Variants in CDK15 observed in about 807,000 individuals in gnomAD.
The protein encoded by CDK15 is cyclin dependent kinase 15, also known as cyclin-dependent kinase 15.
Under a neutral mutation model 60.3 loss-of-function variants are expected in CDK15, and 62 were observed. That is an observed-to-expected ratio of 1.03 (90% CI 0.84 to 1.27). The LOEUF (loss-of-function observed/expected upper bound fraction) is 1.27. CDK15 is among the 50% of genes most tolerant of loss of function. The probability of loss-of-function intolerance (pLI) is 0.00; values close to 1 mark genes in which losing one functional copy is unlikely to be tolerated. For missense variants in CDK15, 541 were observed against 527.8 expected (o/e 1.03, Z -0.25); for synonymous variants, 194 against 195.7 (o/e 0.99, Z 0.07).
intron 4 of CDK15, among the ~76,000 whole-genome samples, chr2:201,820,339 A>G (rs1696165811): frequency 6.6e-6 from 1 of 152,200 alleles, no homozygotes. Flanking sequence ...TAAGACTGAA[A>G]GTAGACGTTT....
intron 3 of CDK15, among the ~76,000 whole-genome samples, chr2:201,811,311 C>T (rs1472831328): frequency 1.3e-5 from 2 of 152,038 alleles, no homozygotes; most frequent in Non-Finnish European, 2.9e-5. Flanking sequence ...CCACCACACC[C>T]GGCTAATTTT....
In CDK15 at chr2:201,874,942, C is replaced by G. The variant is rs150095541; in HGVS notation, c.1058+2616C>G. ...AAGAACCCAGTTGAGCTCATACTGACCAGCCTGTCCTGCACCTCAGAGGTC... is the reference window on the plus strand; with the variant it reads ...AAGAACCCAGTTGAGCTCATACTGAGCAGCCTGTCCTGCACCTCAGAGGTC... On this transcript the variant is annotated intron_variant, in intron 11 of 13. Coordinates refer to ENST00000652192, the MANE Select transcript of CDK15 (RefSeq NM_001366386.2). Among the ~76,000 whole-genome samples the G allele has an allele frequency of 8.9e-4, 135 of 151,696 alleles. 7 individuals are homozygous for G. In the East Asian group the frequency reaches 0.02, roughly 23 times the overall value.
At chr2:201,871,965 C>T (rs1023019550) in intron 10 of CDK15, among the ~76,000 whole-genome samples, 5 of 152,056 alleles carry the variant, frequency 3.3e-5, no homozygotes, top group Non-Finnish European at 5.9e-5. Context: ...AGGGCCCACC[C>T]TAATGCTTTC....
intron 6 of CDK15, among the ~76,000 whole-genome samples, chr2:201,833,199 T>A (rs375244050): frequency 2.1e-5 from 2 of 94,202 alleles, no homozygotes; most frequent in East Asian, 3.2e-4. Flanking sequence ...TATTCTTTTT[T>A]GATTTTTTTT....
chr2:201,861,558 T>C (rs1698393982), intron 10 of CDK15: 3 of 950,092 alleles, frequency 3.2e-6, no homozygotes, highest in Non-Finnish European at 3.7e-6. Flanking sequence ...TTTGTTTTTT[T>C]TTTTTTCTTT....
intron 12 of CDK15, chr2:201,889,030 C>T: frequency 1.0e-6 from 1 of 985,404 alleles, no homozygotes; most frequent in Non-Finnish European, 1.2e-6. Context: ...GATGGCTCCC[C>T]TTTCCAGCCT....
intron 3 of CDK15, among the ~76,000 whole-genome samples, chr2:201,809,037 G>T (rs1269436312): frequency 1.3e-5 from 2 of 152,052 alleles, no homozygotes; most frequent in Non-Finnish European, 2.9e-5. Flanking sequence ...CAACTCTCCT[G>T]CCCCTGGCCC....
At chr2:201,814,630 G>C (rs1158929093) in intron 4 of CDK15, among the ~76,000 whole-genome samples, 1 of 152,144 alleles carries the variant, frequency 6.6e-6, no homozygotes, top group East Asian at 1.9e-4. Flanking sequence ...AGTAAGAACA[G>C]CTGGAGTTCA....
chr2:201,829,833 AG>A (rs1696671632), intron 6 of CDK15, among the ~76,000 whole-genome samples: 1 of 151,514 alleles, frequency 6.6e-6, no homozygotes, highest in South Asian at 2.1e-4. Context: ...TTTAGATGGG[AG>A]TCTCGCTCTG....
chr2:201,843,016 CT>C (rs1366284537), intron 8 of CDK15, among the ~76,000 whole-genome samples: 1 of 152,136 alleles, frequency 6.6e-6, no homozygotes, highest in African/African-American at 2.4e-5. Context: ...GAAATAGAAG[CT>C]GGTTCCCTAT....
chr2:201,876,287 C>T lies in CDK15; in HGVS notation c.1059-3741C>T, dbSNP rs375877651. On this transcript the variant is annotated intron_variant, in intron 11 of 13. Transcript: ENST00000652192. ...AGGAAAAAGCATAATGATACAAACA[C>T]GGAAGATGTCAGTAAATCAACATTT... Among the ~76,000 whole-genome samples the T allele has an allele frequency of 3.3e-5, 5 of 152,322 alleles. No homozygotes were observed. In the South Asian group the frequency reaches 6.2e-4, roughly 19 times the overall value.
At chr2:201,835,974 TTATA>T (rs1229689345) in intron 8 of CDK15, among the ~76,000 whole-genome samples, 1 of 55,942 alleles carries the variant, frequency 1.8e-5, no homozygotes, top group Non-Finnish European at 3.9e-5. Flanking sequence ...ATTTATATAT[TTATA>T]TATTTTTATA....
chr2:201,859,084 G>A (rs1316089502), intron 10 of CDK15, among the ~76,000 whole-genome samples: 1 of 152,184 alleles, frequency 6.6e-6, no homozygotes, highest in African/African-American at 2.4e-5. Context: ...CCGGGGCTGC[G>A]CGGGCCTCCT....
rs143327698 is a variant in CDK15 at position 201,847,421 on chromosome 2, C to T, written c.892C>T (p.Pro298Ser). Residue 298 changes from proline to serine, a missense_variant, in exon 9 of 14, where the codon CCT (proline) becomes TCT (serine). Coordinates refer to ENST00000652192, the MANE Select transcript of CDK15 (RefSeq NM_001366386.2). ...CTTTATTGAAATGTTCCAGGGTCAA[C>T]CTTTGTTTCCTGGGGTTTCCAACAT... The part of the protein sequence containing the change: ...CIFIEMFQGQ[P>S]LFPGVSNILE... 1.9e-6 allele frequency: 3 copies of T among 1,614,062 alleles called. No individual in the cohort carries two copies. In the East Asian group the frequency reaches 6.7e-5, roughly 36 times the overall value.
intron 11 of CDK15, chr2:201,876,526 G>A (rs1699084173): frequency 8.0e-7 from 1 of 1,254,292 alleles, no homozygotes; most frequent in Non-Finnish European, 1.0e-6. Flanking sequence ...GCTCCTAGGA[G>A]GAAGAGACTT....
At chr2:201,881,111 G>C (rs1699263907) in intron 12 of CDK15, among the ~76,000 whole-genome samples, 1 of 152,136 alleles carries the variant, frequency 6.6e-6, no homozygotes, top group Non-Finnish European at 1.5e-5. Flanking sequence ...AGATAAGGAT[G>C]GGGACAGGGT....
In CDK15 at chr2:201,882,930, G is replaced by A. The variant is rs906231409; in HGVS notation, c.1198+2763G>A. The stretch of plus-strand genomic sequence containing the variant: ...GCTTTTTCATTGCCCCTGGCAATGA[G>A]CCTTTATTAACAGCCTCCTTTGCAG... On this transcript the variant is annotated intron_variant, in intron 12 of 13. Transcript: ENST00000652192. The surrounding 1 kb of genome is among the most constrained non-coding windows in gnomAD (Gnocchi z 4.0). 2.0e-5 allele frequency among the ~76,000 whole-genome samples: 3 copies of A among 152,120 alleles called. No homozygotes were observed. The highest frequency in any genetic ancestry group is 7.2e-5 in the African/African-American group (3 of 41,408).
In CDK15 at chr2:201,890,882, C is replaced by A; in HGVS notation, c.1296C>A (p.Ser432Arg). Reference sequence around the variant, plus strand: ...AAGGTCACCACCCAGCCCAGTTTAGCAAATGCTGGTGAAAAGAAAGGGCGA... The same window carrying A: ...AAGGTCACCACCCAGCCCAGTTTAGAAAATGCTGGTGAAAAGAAAGGGCGA... ...YQKGHHPAQF[S>R]KCW is the part of the protein sequence containing the mutation. Residue 432 changes from serine (S) to arginine (R), a missense_variant, in exon 13 of 14, where the codon AGC (serine) becomes AGA (arginine). Transcript: ENST00000652192. 1.2e-6 allele frequency: 2 copies of A among 1,612,536 alleles called. No individual in the cohort carries two copies. Among genetic ancestry groups the A allele is most frequent in the Non-Finnish European group, 1.7e-6 (2 of 1,178,974 alleles).
chr2:201,847,773 G>C (rs1697733593), intron 9 of CDK15, among the ~76,000 whole-genome samples: 1 of 152,110 alleles, frequency 6.6e-6, no homozygotes, highest in Non-Finnish European at 1.5e-5. Context: ...TTACTACTCA[G>C]ACATGTCCCT....
Sources: gnomAD v4.1 joint callset for allele counts (sites outside exome capture counted in the v4.1 genomes callset) on GRCh38, gnomAD v4.1.1 for gene constraint, Gnocchi (gnomAD v3.1) non-coding constraint, MANE v1.5 for transcripts, NCBI Gene and HGNC (gene_info 2026-07-23, HGNC 2026-07-21) for gene names.